The following PPP2R1B variants were observed in gnomAD, a reference collection of about 807,000 sequenced individuals.
PPP2R1B encodes the protein serine/threonine-protein phosphatase 2A 65 kDa regulatory subunit A beta isoform.
In PPP2R1B, 58 loss-of-function variants were observed where a neutral mutation model predicts 72.7. The observed-to-expected ratio is 0.80, with a 90% confidence interval of 0.65 to 0.99. The LOEUF is 0.99. PPP2R1B is among the 50% of genes least tolerant of loss of function. The pLI is 0.00. For missense variants in PPP2R1B, 695 were observed against 733.6 expected, an observed-to-expected ratio of 0.95 and a Z score of 0.61; for synonymous variants, 256 against 264.6, an observed-to-expected ratio of 0.97 and a Z score of 0.32.
At chr11:111,746,370 G>A (rs558133429) in intron 11 of PPP2R1B, among the ~76,000 whole-genome samples, 4 of 152,130 alleles carry the variant, frequency 2.6e-5, no homozygotes, top group East Asian at 3.9e-4. Context: ...AAATTAACGC[G>A]GGAACAGAAA....
the PPP2R1B span, among the ~76,000 whole-genome samples, chr11:111,697,110 G>A: frequency 6.6e-6 from 1 of 152,214 alleles, no homozygotes; most frequent in African/African-American, 2.4e-5. Flanking sequence ...ATGAAGGCTC[G>A]AAGTAGTTAA....
At chr11:111,753,640 T>C in intron 8 of PPP2R1B, 63 bp from the exon 9 acceptor site, 2 of 1,513,752 alleles carry the variant, frequency 1.3e-6, no homozygotes, top group Non-Finnish European at 9.0e-7. Flanking sequence ...ATACCATTAT[T>C]CTGGGAAACA....
chr11:111,734,469 A>G (rs947702205), downstream of PPP2R1B, among the ~76,000 whole-genome samples: 1 of 152,174 alleles, frequency 6.6e-6, no homozygotes, highest in African/African-American at 2.4e-5. Context: ...AAAGACTTGG[A>G]AGGCCTGGGG....
Position 111,739,100 on chromosome 11 carries a change from T to C in PPP2R1B, c.*2496A>G, listed in dbSNP as rs897404402. On this transcript the variant is annotated 3_prime_UTR_variant, in exon 15 of 15. Coordinates refer to ENST00000527614, the MANE Select transcript of PPP2R1B (RefSeq NM_002716.5). ...GAAAGCAGGAAAATCTTTCTGTCAG[T>C]GGGAGAATAAGACACAGTCTGGTTC... The C allele has an allele frequency of 1.0e-6, 1 of 985,214 alleles. No individual in the cohort carries two copies. The highest frequency in any genetic ancestry group is 1.7e-5 in the African/African-American group (1 of 57,188). 61.0% of individuals were successfully genotyped at this position (985,214 alleles called of 1,614,324 possible). A position where few individuals can be genotyped will look rare whatever the true frequency, so the allele number is the denominator to read the frequency against.
chr11:111,735,544 T>C (rs752418497), downstream of PPP2R1B, among the ~76,000 whole-genome samples: 1 of 152,186 alleles, frequency 6.6e-6, no homozygotes, highest in Non-Finnish European at 1.5e-5. Flanking sequence ...CGCTGCTCCC[T>C]GGCAGATCCT....
intron 9 of PPP2R1B, 43 bp downstream of exon 9, chr11:111,753,400 T>C: frequency 6.3e-7 from 1 of 1,581,250 alleles, no homozygotes; most frequent in Non-Finnish European, 8.6e-7. Flanking sequence ...TCAAATAAAA[T>C]CAAATTACTA....
the PPP2R1B span, chr11:111,720,827 G>A: frequency 6.3e-7 from 1 of 1,577,736 alleles, no homozygotes; most frequent in South Asian, 1.2e-5. Context: ...TGCCATGTTG[G>A]TGTGGTCACC....
intron 11 of PPP2R1B, among the ~76,000 whole-genome samples, chr11:111,747,518 G>T (rs1944746105): frequency 6.6e-6 from 1 of 152,106 alleles, no homozygotes. Flanking sequence ...CTGTCTCACT[G>T]TAGATCTCCT....
chr11:111,735,793 T>C (rs1284765150), downstream of PPP2R1B, among the ~76,000 whole-genome samples: 1 of 152,200 alleles, frequency 6.6e-6, no homozygotes, highest in Admixed American at 6.5e-5. Context: ...TCGGACAGAT[T>C]GGCAAGTCCA....
At chr11:111,755,477 A>G in intron 5 of PPP2R1B, 27 bp from the exon 6 acceptor site, 1 of 1,583,032 alleles carries the variant, frequency 6.3e-7, no homozygotes, top group Non-Finnish European at 8.6e-7. Context: ...TCTGTAATTC[A>G]GACATTTACT....
chr11:111,748,119 T>C (rs1333611620), intron 10 of PPP2R1B, 105 bp from the exon 11 acceptor site: 2 of 947,464 alleles, frequency 2.1e-6, no homozygotes, highest in African/African-American at 3.3e-5. Flanking sequence ...AAAACTTGTT[T>C]CCAAATAAAC....
rs1555048252 is a variant in PPP2R1B at position 111,752,340 on chromosome 11, T to G, written c.1165-8A>C. ...CAAACGAACGTCAGGACACTGCAAG[T>G]ACACAAGCCCCAAAAGACCACATTT... is the stretch of plus-strand genomic sequence containing the variant. On this transcript the variant is annotated splice_region_variant and splice_polypyrimidine_tract_variant and intron_variant, in intron 9 of 14. Coordinates refer to ENST00000527614, the MANE Select transcript of PPP2R1B (RefSeq NM_002716.5). 6.3e-7 allele frequency: 1 copy of G among 1,595,984 alleles called. No homozygotes were observed. The highest frequency in any genetic ancestry group is 8.5e-7 in the Non-Finnish European group (1 of 1,170,506).
chr11:111,750,843 GTT>G (rs11410952), intron 10 of PPP2R1B, among the ~76,000 whole-genome samples: 6 of 145,584 alleles, frequency 4.1e-5, no homozygotes, highest in Non-Finnish European at 4.5e-5. Flanking sequence ...TTTTTGTTTT[GTT>G]TTTTTTTTTT....
chr11:111,695,587 C>G, the PPP2R1B span, among the ~76,000 whole-genome samples: 95 of 152,060 alleles, frequency 6.2e-4, no homozygotes, highest in Non-Finnish European at 1.1e-3. Flanking sequence ...TGTTTTCTGG[C>G]TAGTCAAAAA....
chr11:111,748,366 T>C (rs1349242290), intron 10 of PPP2R1B, among the ~76,000 whole-genome samples: 1 of 152,278 alleles, frequency 6.6e-6, no homozygotes, highest in Non-Finnish European at 1.5e-5. Context: ...GGAAAACACC[T>C]GTCAGTAATA....
intron 10 of PPP2R1B, among the ~76,000 whole-genome samples, chr11:111,751,161 G>C (rs1259983737): frequency 2.6e-5 from 4 of 151,934 alleles, no homozygotes; most frequent in African/African-American, 4.8e-5. Flanking sequence ...TTTTCTATAT[G>C]GTGATTCCTC....
chr11:111,763,636 G>C (rs573523806), intron 3 of PPP2R1B, among the ~76,000 whole-genome samples: 1 of 152,182 alleles, frequency 6.6e-6, no homozygotes, highest in Non-Finnish European at 1.5e-5. Flanking sequence ...TAGATGTGTG[G>C]AACAAGGCAC....
intron 15 of PPP2R1B, among the ~76,000 whole-genome samples, chr11:111,731,384 G>A (rs951372005): frequency 2.2e-4 from 33 of 152,326 alleles, no homozygotes; most frequent in African/African-American, 7.2e-4. Context: ...CTGCACGTGC[G>A]CTCACACAGT....
At chr11:111,737,028 T>C (rs1471266125), downstream of PPP2R1B, among the ~76,000 whole-genome samples, 1 of 152,214 alleles carries the variant, frequency 6.6e-6, no homozygotes, top group African/African-American at 2.4e-5. Flanking sequence ...ACAGAGAAAC[T>C]TGCAACTATT....
Sources: allele counts gnomAD v4.1 joint callset (sites outside exome capture counted in the v4.1 genomes callset), GRCh38; gene constraint gnomAD v4.1.1; transcripts MANE v1.5; gene names NCBI Gene and HGNC (gene_info 2026-07-23, HGNC 2026-07-21).